MACROD2: variants seen among roughly 807,000 people sequenced by gnomAD.
MACROD2 encodes the protein mono-ADP ribosylhydrolase 2, also known as ADP-ribose glycohydrolase MACROD2.
A neutral mutation model predicts 70.4 loss-of-function variants in MACROD2; 36 were observed. The ratio of observed to expected loss-of-function variants is 0.51; its 90% CI spans 0.39 to 0.68. The LOEUF (loss-of-function observed/expected upper bound fraction) is 0.68. Among genes scored for constraint, MACROD2 ranks in the 30% least tolerant of loss-of-function variants. The pLI is 0.00. For missense variants in MACROD2, 496 were observed against 538.4 expected (o/e 0.92, Z 0.78); for synonymous variants, 172 against 178.8 (o/e 0.96, Z 0.30).
intron 8 of MACROD2, among the ~76,000 whole-genome samples, chr20:15,832,438 G>T (rs547417442): frequency 9.9e-5 from 15 of 152,148 alleles, no homozygotes; most frequent in Non-Finnish European, 1.8e-4. Flanking sequence ...AATACAGGGG[G>T]TGGTGCTGTC....
chr20:14,674,140 G>A (rs969189056), intron 4 of MACROD2, among the ~76,000 whole-genome samples: 13 of 152,032 alleles, frequency 8.6e-5, no homozygotes, highest in African/African-American at 3.1e-4. Context: ...CAATGAAAAC[G>A]TGATTCTGAG....
intron 15 of MACROD2, among the ~76,000 whole-genome samples, chr20:16,031,599 A>G (rs1399721064): frequency 6.6e-6 from 1 of 152,184 alleles, no homozygotes; most frequent in African/African-American, 2.4e-5. Context: ...GCCTGGATAA[A>G]GAAATTATGA....
intron 5 of MACROD2, among the ~76,000 whole-genome samples, chr20:14,872,490 T>C (rs1221293820): frequency 1.3e-5 from 2 of 152,108 alleles, no homozygotes. Flanking sequence ...CCTTCTACCA[T>C]TTCAGTAATC....
Position 15,870,391 on chromosome 20 carries a change from G to A in MACROD2, c.727+7565G>A, listed in dbSNP as rs754421531. Among the ~76,000 whole-genome samples the A allele has an allele frequency of 3.7e-4, 57 of 152,050 alleles. 1 individual carries two copies. Among genetic ancestry groups the A allele is most frequent in the Non-Finnish European group, 4.3e-4 (29 of 68,020 alleles). ...AAATATATAGTAGGTGTTTATTAAT[G>A]TAAATAAAAACGTACCACGAACCTA... On this transcript the variant is annotated intron_variant, in intron 9 of 17. Transcript: ENST00000684519.
chr20:14,388,393 C>T (rs751702370), intron 3 of MACROD2, among the ~76,000 whole-genome samples: 1 of 151,954 alleles, frequency 6.6e-6, no homozygotes, highest in Non-Finnish European at 1.5e-5. Flanking sequence ...CTGATGTCAC[C>T]CCACACAGTC....
intron 5 of MACROD2, among the ~76,000 whole-genome samples, chr20:15,126,159 C>T (rs1424003279): frequency 9.4e-6 from 1 of 105,888 alleles, no homozygotes; most frequent in East Asian, 3.1e-4. Context: ...CTGTTATAAA[C>T]ATTTGTGTAC....
chr20:14,560,139 A>C (rs1979326110), intron 4 of MACROD2, among the ~76,000 whole-genome samples: 1 of 151,890 alleles, frequency 6.6e-6, no homozygotes, highest in Non-Finnish European at 1.5e-5. Context: ...AGAACTTGCT[A>C]TCCGTTTTAA....
chr20:14,780,028 G>A lies in MACROD2; in HGVS notation c.418+95069G>A, dbSNP rs192218515. 1.8e-4 allele frequency among the ~76,000 whole-genome samples: 27 copies of A among 152,074 alleles called. 1 individual carries two copies. Among genetic ancestry groups the A allele is most frequent in the African/African-American group, 6.3e-4 (26 of 41,442 alleles). On this transcript the variant is annotated intron_variant, in intron 5 of 17. Transcript: ENST00000684519. ...TCTTTTTACAGATGAAGAAACTGAG[G>A]TTCAGAGAGGTTGAATCACTCTTTC...
rs556739224 is a variant in MACROD2, at chr20:15,557,255, T to C, written c.645+57408T>C. 3.9e-5 allele frequency among the ~76,000 whole-genome samples: 6 copies of C among 152,340 alleles called. No individual in the cohort carries two copies. In the South Asian group the frequency reaches 1.0e-3, roughly 26 times the overall value. On this transcript the variant is annotated intron_variant, in intron 8 of 17. Transcript: ENST00000684519. The stretch of plus-strand genomic sequence containing the variant: ...TGTTTTCCTTAGGAACAATTCTGTT[T>C]AGTAAAATTTAGCCCAGGCTATAAA...
At chr20:14,080,669 A>G (rs1424726086) in intron 2 of MACROD2, among the ~76,000 whole-genome samples, 1 of 140,138 alleles carries the variant, frequency 7.1e-6, no homozygotes, top group Non-Finnish European at 1.6e-5. Flanking sequence ...GTGGGTTATT[A>G]AATTCTAGTC....
chr20:15,876,109 A>ATATATATATATATATATATG lies in MACROD2; in HGVS notation c.728-9652_728-9651insATATATATATATATATGTAT, dbSNP rs57817982. Among the ~76,000 whole-genome samples, 98 of 124,414 alleles carry ATATATATATATATATATATG rather than the reference A, an allele frequency of 7.9e-4. 2 individuals are homozygous for ATATATATATATATATATATG. The highest frequency in any genetic ancestry group is 3.2e-3 in the African/African-American group (84 of 26,554). The allele number at this position is 124,414 out of a possible 152,430, so 81.6% of individuals were successfully genotyped here. A position where few individuals can be genotyped will look rare whatever the true frequency, so the allele number is the denominator to read the frequency against. On this transcript the variant is annotated intron_variant, in intron 9 of 17. Coordinates refer to ENST00000684519, the MANE Select transcript of MACROD2 (RefSeq NM_001351661.2). ...ATGTCTTTTATATATATATATATATATATGTGTGTATTTTTTTTATTACAC... is the reference window on the plus strand; with the variant it reads ...ATGTCTTTTATATATATATATATATATATATATATATATATATATGTATGTGTGTATTTTTTTTATTACAC...
intron 8 of MACROD2, among the ~76,000 whole-genome samples, chr20:15,794,482 C>G (rs567825892): frequency 6.6e-6 from 1 of 152,174 alleles, no homozygotes; most frequent in Non-Finnish European, 1.5e-5. Context: ...GGCAGCAAAG[C>G]AAGCTGTAGT....
intron 5 of MACROD2, among the ~76,000 whole-genome samples, chr20:14,953,681 C>CAG (rs1387460283): frequency 6.6e-6 from 1 of 152,140 alleles, no homozygotes; most frequent in Non-Finnish European, 1.5e-5. Flanking sequence ...GTCTGTCACA[C>CAG]AGAATTCTGT....
intron 6 of MACROD2, among the ~76,000 whole-genome samples, chr20:15,424,190 T>C (rs1008418936): frequency 6.6e-6 from 1 of 152,166 alleles, no homozygotes; most frequent in Admixed American, 6.5e-5. Flanking sequence ...TTCAGTCTAT[T>C]GCAGAGGAAC....
At chr20:15,908,814 A>T (rs1368721096) in intron 10 of MACROD2, among the ~76,000 whole-genome samples, 1 of 152,142 alleles carries the variant, frequency 6.6e-6, no homozygotes, top group Non-Finnish European at 1.5e-5. Flanking sequence ...CAAGCATCTT[A>T]TACCCTTGCA....
intron 5 of MACROD2, among the ~76,000 whole-genome samples, chr20:14,796,972 C>T (rs887452663): frequency 6.6e-6 from 1 of 152,042 alleles, no homozygotes; most frequent in Admixed American, 6.6e-5. Flanking sequence ...CAAGCTCACA[C>T]TCTTTCTTCC....
intron 3 of MACROD2, among the ~76,000 whole-genome samples, chr20:14,207,052 C>A (rs1475091916): frequency 1.3e-5 from 2 of 151,470 alleles, no homozygotes; most frequent in African/African-American, 4.8e-5. Flanking sequence ...GATGGTGATA[C>A]ACACTAAAGT....
chr20:15,913,510 C>T (rs1403764462), intron 10 of MACROD2, among the ~76,000 whole-genome samples: 1 of 152,092 alleles, frequency 6.6e-6, no homozygotes, highest in African/African-American at 2.4e-5. Context: ...AATCATAAGC[C>T]CTTATGAGCT....
At chr20:15,851,754 A>G (rs2064301469) in intron 8 of MACROD2, among the ~76,000 whole-genome samples, 1 of 152,132 alleles carries the variant, frequency 6.6e-6, no homozygotes, top group Non-Finnish European at 1.5e-5. Context: ...TGAGTCAGTC[A>G]TTGGATGCAG....
Sources: allele counts gnomAD v4.1 joint callset (sites outside exome capture counted in the v4.1 genomes callset), GRCh38; gene constraint gnomAD v4.1.1; transcripts MANE v1.5; gene names NCBI Gene and HGNC (gene_info 2026-07-23, HGNC 2026-07-21).